The following LARGE1 variants were observed in gnomAD, a reference collection of about 807,000 sequenced individuals.
LARGE1 encodes LARGE xylosyl- and glucuronyltransferase 1, also known as xylosyl- and glucuronyltransferase LARGE1.
Under a neutral mutation model 87.6 loss-of-function variants are expected in LARGE1, and 43 were observed. That is an observed-to-expected ratio of 0.49 (90% CI 0.38 to 0.63). LARGE1 has a LOEUF of 0.63. Among genes scored for constraint, LARGE1 ranks in the 30% least tolerant of loss-of-function variants. LARGE1 has a pLI of 0.00. For synonymous variants in LARGE1, 434 were observed against 394.6 expected (o/e 1.10, Z -1.18); for missense variants, 802 against 1,000.2 (o/e 0.80, Z 2.67).
intron 6 of LARGE1, among the ~76,000 whole-genome samples, chr22:33,554,131 C>T (rs1266475815): frequency 6.6e-6 from 1 of 152,084 alleles, no homozygotes; most frequent in Non-Finnish European, 1.5e-5. Context: ...TCCAGTGATC[C>T]CTCCTCATGA....
chr22:33,369,107 C>A (rs2064708086), intron 9 of LARGE1, among the ~76,000 whole-genome samples: 1 of 152,204 alleles, frequency 6.6e-6, no homozygotes, highest in Non-Finnish European at 1.5e-5. Context: ...ATAATTCTTA[C>A]CTACAATAGA....
the LARGE1 span, among the ~76,000 whole-genome samples, chr22:33,080,951 TTCCATCCATCCA>T: frequency 2.6e-3 from 383 of 149,338 alleles, 1 homozygote; most frequent in Admixed American, 4.1e-3. Flanking sequence ...TCCATCTGTC[TTCCATCCATCCA>T]TCCATCCATC....
At chr22:33,679,465 C>G (rs1485658588) in intron 2 of LARGE1, among the ~76,000 whole-genome samples, 7 of 150,486 alleles carry the variant, frequency 4.7e-5, no homozygotes, top group Admixed American at 4.0e-4. Context: ...CAGACACACA[C>G]ACGCACACAC....
intron 3 of LARGE1, among the ~76,000 whole-genome samples, chr22:33,648,517 C>CA (rs1483760468): frequency 3.9e-5 from 6 of 152,222 alleles, no homozygotes; most frequent in Non-Finnish European, 8.8e-5. Context: ...TCTAAACCAA[C>CA]ACCATGGCTG....
rs146511917 is a variant in LARGE1, at chr22:33,830,002, T to C, written c.-82-68444A>G. Among the ~76,000 whole-genome samples the C allele has an allele frequency of 5.2e-3, 796 of 152,206 alleles. 9 individuals are homozygous for C. Among genetic ancestry groups the C allele is most frequent in the African/African-American group, 0.018 (748 of 41,538 alleles). On this transcript the variant is annotated intron_variant, in intron 1 of 14. Transcript: ENST00000397394. ...GGAAAGGATGAGATGGAAGCAAAAG[T>C]GCTTTGGCAAGATAATGTCTGTGGG...
the LARGE1 span, among the ~76,000 whole-genome samples, chr22:33,067,620 AGG>A: frequency 6.6e-6 from 1 of 152,156 alleles, no homozygotes; most frequent in African/African-American, 2.4e-5. Flanking sequence ...TAAGAGTGCC[AGG>A]GTCAGGAGTT....
At chr22:33,595,996 G>A (rs1349015160) in intron 5 of LARGE1, among the ~76,000 whole-genome samples, 1 of 152,182 alleles carries the variant, frequency 6.6e-6, no homozygotes, top group African/African-American at 2.4e-5. Flanking sequence ...AGGGTCCTTT[G>A]GGAGGTAATG....
rs58724713 is a variant in LARGE1 at position 33,798,290 on chromosome 22, C to CTCAA, written c.-82-36736_-82-36733dup. The stretch of plus-strand genomic sequence containing the variant: ...GGGAGACAAGAGCGAAACTCTGTCT[C>CTCAA]TCAATCAATCAATCAATCAATCAAT... On this transcript the variant is annotated intron_variant, in intron 1 of 14. Coordinates refer to ENST00000397394, the MANE Select transcript of LARGE1 (RefSeq NM_133642.5). 8.0e-3 allele frequency among the ~76,000 whole-genome samples: 1,209 copies of CTCAA among 151,678 alleles called. 3 individuals carry two copies. The highest frequency in any genetic ancestry group is 0.045 in the Middle Eastern group (13 of 292).
At chr22:33,740,260 C>A (rs1447267392) in intron 2 of LARGE1, among the ~76,000 whole-genome samples, 1 of 152,156 alleles carries the variant, frequency 6.6e-6, no homozygotes, top group East Asian at 1.9e-4. Flanking sequence ...TCCCCAGATA[C>A]TTAGGTGCCC....
chr22:33,217,412 C>T (rs1339119152), intron 11 of LARGE1, among the ~76,000 whole-genome samples: 6 of 152,094 alleles, frequency 3.9e-5, no homozygotes, highest in Admixed American at 2.0e-4. Flanking sequence ...AATTTTAGTG[C>T]ACACTAAAGT....
chr22:33,176,773 G>A (rs1172184359), intron 11 of LARGE1, among the ~76,000 whole-genome samples: 2 of 152,128 alleles, frequency 1.3e-5, no homozygotes, highest in African/African-American at 4.8e-5. Context: ...TCTAGAATTA[G>A]AAATAGCATT....
intron 4 of LARGE1, among the ~76,000 whole-genome samples, chr22:33,614,811 T>C (rs1051770347): frequency 2.0e-5 from 3 of 151,704 alleles, no homozygotes; most frequent in Non-Finnish European, 4.4e-5. Flanking sequence ...CTGTGGAGGA[T>C]AGCGCTTCTC....
intron 7 of LARGE1, among the ~76,000 whole-genome samples, chr22:33,420,295 T>C (rs974883954): frequency 1.3e-5 from 2 of 152,096 alleles, no homozygotes; most frequent in African/African-American, 2.4e-5. Context: ...TCAGATGAGA[T>C]TGGGTGCATT....
intron 6 of LARGE1, among the ~76,000 whole-genome samples, chr22:33,486,153 G>C (rs2148245731): frequency 6.6e-6 from 1 of 152,296 alleles, no homozygotes; most frequent in South Asian, 2.1e-4. Flanking sequence ...TAACTCTCTG[G>C]GTGATCCAGG....
chr22:33,152,751 G>C, the LARGE1 span, among the ~76,000 whole-genome samples: 13 of 151,990 alleles, frequency 8.6e-5, no homozygotes, highest in Non-Finnish European at 1.5e-4. Flanking sequence ...GCAGTACTTT[G>C]AATTTGTCAC....
At chr22:33,792,485 A>G (rs1370950194) in intron 1 of LARGE1, among the ~76,000 whole-genome samples, 1 of 152,146 alleles carries the variant, frequency 6.6e-6, no homozygotes, top group Non-Finnish European at 1.5e-5. Context: ...TATAAACTGC[A>G]CAGTCTGGGG....
chr22:33,140,707 G>T, the LARGE1 span, among the ~76,000 whole-genome samples: 8 of 152,124 alleles, frequency 5.3e-5, no homozygotes, highest in African/African-American at 1.9e-4. Flanking sequence ...CCAGTGGTTT[G>T]CCAGGGGCTC....
At chr22:33,123,744 G>A in the LARGE1 span, among the ~76,000 whole-genome samples, 1 of 152,146 alleles carries the variant, frequency 6.6e-6, no homozygotes, top group African/African-American at 2.4e-5. Context: ...CATTTCTCAA[G>A]GGGAGACCTT....
chr22:33,690,221 G>C (rs2082058532), intron 2 of LARGE1, among the ~76,000 whole-genome samples: 1 of 152,190 alleles, frequency 6.6e-6, no homozygotes, highest in Non-Finnish European at 1.5e-5. Context: ...ATGACAAAAA[G>C]AAAGAAAAGT....
Sources: allele counts gnomAD v4.1 joint callset (sites outside exome capture counted in the v4.1 genomes callset), GRCh38; gene constraint gnomAD v4.1.1; transcripts MANE v1.5; gene names NCBI Gene and HGNC (gene_info 2026-07-23, HGNC 2026-07-21).